The following MED31 variants were observed in gnomAD, a reference collection of about 807,000 sequenced individuals.
The protein encoded by MED31 is mediator of RNA polymerase II transcription subunit 31.
MED31 carries 11 observed loss-of-function variants against 22.0 expected under a neutral mutation model. The observed-to-expected ratio is 0.50, with a 90% CI of 0.31 to 0.83. The LOEUF (loss-of-function observed/expected upper bound fraction) is 0.83, where lower values mean the gene tolerates loss of function less well. Ranked by LOEUF, MED31 falls within the 40% of genes least tolerant of loss-of-function variation. The pLI is 0.04. For missense variants in MED31, 122 were observed against 155.3 expected, an observed-to-expected ratio of 0.79 and a Z score of 1.14; for synonymous variants, 60 against 55.1, an observed-to-expected ratio of 1.09 and a Z score of -0.40.
intron 3 of MED31, among the ~76,000 whole-genome samples, chr17:6,648,832 G>C (rs1972794213): frequency 6.6e-6 from 1 of 152,184 alleles, no homozygotes. Flanking sequence ...AGTAACACGG[G>C]CTCAATGGAA....
In MED31 at chr17:6,644,261, A is replaced by T. The variant is rs1972735692; in HGVS notation, c.*206T>A. 1.7e-6 allele frequency: 1 copy of T among 586,004 alleles called. No individual in the cohort carries two copies. The highest frequency in any genetic ancestry group is 2.7e-6 in the Non-Finnish European group (1 of 371,756). 36.3% of individuals were successfully genotyped at this position (586,004 alleles called of 1,614,324 possible). ...AATGCGTAAAAAAGAAAAACACCTT[A>T]CAAATCCACAGGGAAATCAAAGAAC... On this transcript the variant is annotated 3_prime_UTR_variant, in exon 4 of 4. Coordinates refer to ENST00000225728, the MANE Select transcript of MED31 (RefSeq NM_016060.3).
intron 3 of MED31, chr17:6,649,781 G>A (rs913056964): frequency 2.4e-5 from 11 of 454,278 alleles, no homozygotes. Flanking sequence ...GATGGGGGCA[G>A]GAAGGTAAAA....
Position 6,644,234 on chromosome 17 carries a change from TA to T in MED31, c.*232del. ...TCCATTCTTAATCAGCTGATTATGC[TA>T]AATGCGTAAAAAAGAAAAACACCTT... On this transcript the variant is annotated 3_prime_UTR_variant, in exon 4 of 4. Transcript: ENST00000225728. The T allele has an allele frequency of 1.9e-6, 1 of 531,652 alleles. No individual in the cohort carries two copies. The highest frequency in any genetic ancestry group is 3.1e-6 in the Non-Finnish European group (1 of 320,360). 32.9% of individuals were successfully genotyped at this position (531,652 alleles called of 1,614,324 possible). A position where few individuals can be genotyped will look rare whatever the true frequency, so the allele number is the denominator to read the frequency against.
rs1490935642 is a variant in MED31, at chr17:6,643,998, T to G, written c.*469A>C. On this transcript the variant is annotated 3_prime_UTR_variant, in exon 4 of 4. Transcript: ENST00000225728. Reference sequence around the variant, plus strand: ...AATTCAAGAACCTTTATGCAGTTCCTGTCCTATGATTTAAAGAGGTCAGTG... The same window carrying G: ...AATTCAAGAACCTTTATGCAGTTCCGGTCCTATGATTTAAAGAGGTCAGTG... 4 of 398,816 alleles carry G rather than the reference T, an allele frequency of 1.0e-5. No individual in the cohort carries two copies. Among genetic ancestry groups the G allele is most frequent in the Non-Finnish European group, 1.8e-5 (4 of 226,404 alleles). 24.7% of individuals were successfully genotyped at this position (398,816 alleles called of 1,614,324 possible).
At position 6,644,423 on chromosome 17, in the gene MED31, T is replaced by C; in HGVS notation, c.*44A>G. On this transcript the variant is annotated 3_prime_UTR_variant, in exon 4 of 4. Coordinates refer to ENST00000225728, the MANE Select transcript of MED31 (RefSeq NM_016060.3). Reference sequence around the variant, plus strand: ...TTTTGTCTTCACTGTACAAAAGAAATACATTATATACATGTATTAAGTGCC... The same window carrying C: ...TTTTGTCTTCACTGTACAAAAGAAACACATTATATACATGTATTAAGTGCC... 1.3e-6 allele frequency: 2 copies of C among 1,506,744 alleles called. No homozygotes were observed. The highest frequency in any genetic ancestry group is 1.4e-5 in the South Asian group (1 of 72,402). 93.3% of individuals were successfully genotyped at this position (1,506,744 alleles called of 1,614,324 possible).
Position 6,644,231 on chromosome 17 carries a change from T to C in MED31, c.*236A>G. ...TTTTCCATTCTTAATCAGCTGATTA[T>C]GCTAAATGCGTAAAAAAGAAAAACA... On this transcript the variant is annotated 3_prime_UTR_variant, in exon 4 of 4. Transcript: ENST00000225728. 1.9e-6 allele frequency: 1 copy of C among 526,562 alleles called. No homozygotes were observed. The allele number at this position is 526,562 out of a possible 1,614,324, so 32.6% of individuals were successfully genotyped here.
At position 6,643,342 on chromosome 17, in the gene MED31, G is replaced by A; in HGVS notation, c.*1125C>T. 4.9e-6 allele frequency: 1 copy of A among 203,050 alleles called. No homozygotes were observed. The highest frequency in any genetic ancestry group is 1.1e-4 in the South Asian group (1 of 9,106). The allele number at this position is 203,050 out of a possible 1,614,324, so 12.6% of individuals were successfully genotyped here. A position where few individuals can be genotyped will look rare whatever the true frequency, so the allele number is the denominator to read the frequency against. On this transcript the variant is annotated 3_prime_UTR_variant, in exon 4 of 4. Transcript: ENST00000225728. ...AAAAGATCAGTATCTTTTATTTTAAGTTATCTCCATCTGCAAAGCAACTGA... is the reference window on the plus strand; with the variant it reads ...AAAAGATCAGTATCTTTTATTTTAAATTATCTCCATCTGCAAAGCAACTGA...
At position 6,651,585 on chromosome 17, in the gene MED31, G is replaced by C. The variant is rs536075222; in HGVS notation, c.-57C>G. On this transcript the variant is annotated 5_prime_UTR_variant, in exon 1 of 4. Transcript: ENST00000225728. ...TGACAGAGCAAAAGCCCAGAGACGC[G>C]GGCGAAGTTCCGGAAACCACGGCTC... 3 of 1,610,908 alleles carry C rather than the reference G, an allele frequency of 1.9e-6. No homozygotes were observed. The highest frequency in any genetic ancestry group is 1.7e-4 in the Middle Eastern group (1 of 6,052).
chr17:6,645,507 T>C (rs1972755386), intron 3 of MED31, among the ~76,000 whole-genome samples: 2 of 152,104 alleles, frequency 1.3e-5, no homozygotes, highest in Non-Finnish European at 2.9e-5. Context: ...AAGTACAAGA[T>C]GAGCCTGGAA....
chr17:6,651,414 G>A (rs184347355), intron 1 of MED31, 87 bp downstream of exon 1: 9 of 1,524,072 alleles, frequency 5.9e-6, no homozygotes, highest in Admixed American at 1.9e-5. Context: ...CCTGCCAAGA[G>A]TAAGGCCTGG....
intron 3 of MED31, among the ~76,000 whole-genome samples, chr17:6,649,060 G>C (rs369366135): frequency 6.6e-6 from 1 of 151,902 alleles, no homozygotes; most frequent in Non-Finnish European, 1.5e-5. Flanking sequence ...TATGTGCTTC[G>C]TGAGTCAATT....
intron 1 of MED31, chr17:6,651,265 C>T (rs1972832051): frequency 7.1e-6 from 4 of 561,060 alleles, no homozygotes; most frequent in South Asian, 4.7e-5. Context: ...CCCTTAGTCT[C>T]ACCCACGCCA....
intron 3 of MED31, 119 bp downstream of exon 3, chr17:6,649,863 A>G: frequency 9.8e-7 from 1 of 1,019,280 alleles, no homozygotes; most frequent in South Asian, 2.2e-5. Flanking sequence ...TCTTGTATTA[A>G]GACGGTGATA....
chr17:6,644,303 A>G lies in MED31; in HGVS notation c.*164T>C. 1.4e-6 allele frequency: 1 copy of G among 730,658 alleles called. No individual in the cohort carries two copies. The highest frequency in any genetic ancestry group is 3.3e-5 in the South Asian group (1 of 30,726). 45.3% of individuals were successfully genotyped at this position (730,658 alleles called of 1,614,324 possible). The stretch of plus-strand genomic sequence containing the variant: ...TCAAAGAACAATTCAGGTTTAACAG[A>G]AATAGTCTATTAACAATAAAAAGTT... On this transcript the variant is annotated 3_prime_UTR_variant, in exon 4 of 4. Coordinates refer to ENST00000225728, the MANE Select transcript of MED31 (RefSeq NM_016060.3).
Position 6,650,442 on chromosome 17 carries a change from C to A in MED31, c.29-9G>T, listed in dbSNP as rs1882832640. On this transcript the variant is annotated splice_polypyrimidine_tract_variant and intron_variant, in intron 1 of 3. Transcript: ENST00000225728. ...TCGATTTCCAGCATCATCTAGGAGA[C>A]AAGACAGCAAAAATCATGGAAAACA... 1.9e-6 allele frequency: 3 copies of A among 1,613,138 alleles called. No individual in the cohort carries two copies. The highest frequency in any genetic ancestry group is 2.7e-5 in the African/African-American group (2 of 74,806).
intron 3 of MED31, among the ~76,000 whole-genome samples, chr17:6,644,971 G>A (rs1270685671): frequency 6.6e-6 from 1 of 152,196 alleles, no homozygotes; most frequent in African/African-American, 2.4e-5. Flanking sequence ...TTTCCAACGT[G>A]AAGAACATGA....
Position 6,649,984 on chromosome 17 carries a change from T to C in MED31, c.201A>G (p.Leu67=), listed in dbSNP as rs550228105. ...AGGATTATAAAAATTAAACTTACTT[T>C]AGATACTTGGCATATTCTGGGTCTT... ...YWKDPEYAKY[L]KYPQCLHMLE... Residue 67 remains leucine, a splice_region_variant and synonymous_variant, in exon 3 of 4, where the codon CTA becomes CTG. Transcript: ENST00000225728. 192 of 1,589,414 alleles carry C rather than the reference T, an allele frequency of 1.2e-4. No homozygotes were observed. In the South Asian group the frequency reaches 1.4e-3, roughly 12 times the overall value.
In MED31 at chr17:6,644,364, C is replaced by T. The variant is rs1410080923; in HGVS notation, c.*103G>A. 2 of 1,365,578 alleles carry T rather than the reference C, an allele frequency of 1.5e-6. No individual in the cohort carries two copies. The highest frequency in any genetic ancestry group is 1.9e-6 in the Non-Finnish European group (2 of 1,028,990). 84.6% of individuals were successfully genotyped at this position (1,365,578 alleles called of 1,614,324 possible). On this transcript the variant is annotated 3_prime_UTR_variant, in exon 4 of 4. Transcript: ENST00000225728. Reference sequence around the variant, plus strand: ...GCACACTAAAGGTTCTAGGGGCTACCATAATAAAGGTAGATAGGAAGAGTT... The same window carrying T: ...GCACACTAAAGGTTCTAGGGGCTACTATAATAAAGGTAGATAGGAAGAGTT...
At chr17:6,646,521 C>T (rs1972769438) in intron 3 of MED31, among the ~76,000 whole-genome samples, 1 of 152,074 alleles carries the variant, frequency 6.6e-6, no homozygotes, top group Non-Finnish European at 1.5e-5. Context: ...AACTCTGTGC[C>T]CCCAGAAACA....
Sources: gnomAD v4.1 joint callset for allele counts (sites outside exome capture counted in the v4.1 genomes callset) on GRCh38, gnomAD v4.1.1 for gene constraint, MANE v1.5 for transcripts, NCBI Gene and HGNC (gene_info 2026-07-23, HGNC 2026-07-21) for gene names.